TSPAN9: variants seen among roughly 807,000 people sequenced by gnomAD.
TSPAN9 encodes the protein tetraspanin-9.
Under a neutral mutation model 31.0 loss-of-function variants are expected in TSPAN9, and 16 were observed. The ratio of observed to expected loss-of-function variants is 0.52; its 90% CI spans 0.35 to 0.78. The LOEUF (loss-of-function observed/expected upper bound fraction) is 0.78, where lower values mean the gene tolerates loss of function less well. TSPAN9 is among the 30% of genes least tolerant of loss of function. The pLI is 0.01. For synonymous variants in TSPAN9, 145 were observed against 121.6 expected (o/e 1.19, Z -1.27); for missense variants, 272 against 312.5 (o/e 0.87, Z 0.98).
intron 3 of TSPAN9, among the ~76,000 whole-genome samples, chr12:3,209,336 G>T (rs1264409720): frequency 6.6e-6 from 1 of 152,168 alleles, no homozygotes; most frequent in East Asian, 1.9e-4. Flanking sequence ...ATGGCTCTTG[G>T]TATTTCATTA....
intron 2 of TSPAN9, among the ~76,000 whole-genome samples, chr12:3,166,646 C>A (rs1240115943): frequency 6.6e-6 from 1 of 152,180 alleles, no homozygotes; most frequent in Admixed American, 6.5e-5. Flanking sequence ...GAGAAGTGAA[C>A]ACATCTGTGG....
At chr12:3,218,914 C>G (rs1190502631) in intron 3 of TSPAN9, among the ~76,000 whole-genome samples, 5 of 152,156 alleles carry the variant, frequency 3.3e-5, no homozygotes, top group Non-Finnish European at 2.9e-5. Context: ...TGGAGCCCCC[C>G]AAAGAGAGGT....
chr12:3,140,843 T>G, intron 2 of TSPAN9, among the ~76,000 whole-genome samples: 1 of 149,630 alleles, frequency 6.7e-6, no homozygotes, highest in Non-Finnish European at 1.5e-5. Context: ...CCAGGGGAGG[T>G]TTGGAGGTGA....
chr12:3,230,735 A>G (rs1372289970), intron 3 of TSPAN9, among the ~76,000 whole-genome samples: 1 of 152,040 alleles, frequency 6.6e-6, no homozygotes, highest in Non-Finnish European at 1.5e-5. Flanking sequence ...GCCCTCAGTT[A>G]TCTCCTTCCA....
At chr12:3,244,269 G>A (rs754213621) in intron 3 of TSPAN9, among the ~76,000 whole-genome samples, 67 of 152,284 alleles carry the variant, frequency 4.4e-4, no homozygotes, top group East Asian at 1.2e-3. Flanking sequence ...GTAGGTAAGC[G>A]GGTCTTGGCT....
intron 2 of TSPAN9, among the ~76,000 whole-genome samples, chr12:3,181,143 G>A (rs1345331897): frequency 5.9e-5 from 9 of 152,144 alleles, no homozygotes; most frequent in Non-Finnish European, 1.2e-4. Flanking sequence ...GCTGGCGCCC[G>A]GGAGAGGAAT....
At chr12:3,171,728 A>G (rs1420534341) in intron 2 of TSPAN9, 1 of 152,220 alleles carries the variant, frequency 6.6e-6, no homozygotes, top group Non-Finnish European at 1.5e-5. Flanking sequence ...TCCCAGAAAT[A>G]TTCTGGGCCT....
At chr12:3,231,363 GC>G (rs1565624466) in intron 3 of TSPAN9, among the ~76,000 whole-genome samples, 1 of 152,162 alleles carries the variant, frequency 6.6e-6, no homozygotes. Flanking sequence ...TTCTGGTCCT[GC>G]TGTCACCACT....
At chr12:3,249,099 CAG>C (rs1241358868) in intron 3 of TSPAN9, among the ~76,000 whole-genome samples, 1 of 152,356 alleles carries the variant, frequency 6.6e-6, no homozygotes, top group African/African-American at 2.4e-5. Context: ...ACAGGCCTGC[CAG>C]AGTCTGCTTC....
At chr12:3,103,338 C>G (rs1319058523) in intron 2 of TSPAN9, among the ~76,000 whole-genome samples, 1 of 152,196 alleles carries the variant, frequency 6.6e-6, no homozygotes, top group African/African-American at 2.4e-5. Context: ...TAATATTTTA[C>G]TGAGGATTCT....
At chr12:3,263,717 C>T (rs190709154) in intron 3 of TSPAN9, among the ~76,000 whole-genome samples, 316 of 124,150 alleles carry the variant, frequency 2.5e-3, no homozygotes, top group Non-Finnish European at 3.1e-3. Context: ...GACAGGCACC[C>T]GGCAAAGTCA....
rs111968251 is a variant in TSPAN9, at chr12:3,086,670, C to G, written c.-18+2951C>G. Among the ~76,000 whole-genome samples the G allele has an allele frequency of 3.5e-3, 537 of 152,274 alleles. 4 individuals are homozygous for G. Among genetic ancestry groups the G allele is most frequent in the African/African-American group, 0.012 (487 of 41,564 alleles). On this transcript the variant is annotated intron_variant, in intron 2 of 8. Coordinates refer to ENST00000011898, the MANE Select transcript of TSPAN9 (RefSeq NM_006675.5). Reference sequence around the variant, plus strand: ...CAGGAAGGCTGGAGGGTCTTGTGGCCTTTGGGGTACAGGATCTTGGTGAGG... The same window carrying G: ...CAGGAAGGCTGGAGGGTCTTGTGGCGTTTGGGGTACAGGATCTTGGTGAGG...
chr12:3,181,574 G>GGA (rs1334873982), intron 2 of TSPAN9, among the ~76,000 whole-genome samples: 1 of 152,140 alleles, frequency 6.6e-6, no homozygotes, highest in Non-Finnish European at 1.5e-5. Context: ...GCAGAGGGGA[G>GGA]GAGATTGGAC....
intron 2 of TSPAN9, among the ~76,000 whole-genome samples, chr12:3,115,303 A>C (rs1192414738): frequency 6.6e-6 from 1 of 152,234 alleles, no homozygotes; most frequent in Admixed American, 6.5e-5. Flanking sequence ...CGGACAGACC[A>C]CATTTTGTTT....
intron 2 of TSPAN9, among the ~76,000 whole-genome samples, chr12:3,122,433 C>T (rs1011321841): frequency 1.3e-5 from 2 of 152,016 alleles, no homozygotes; most frequent in African/African-American, 4.8e-5. Flanking sequence ...CAGGCACACA[C>T]CACCATGCTT....
At chr12:3,102,324 T>TG (rs1215236395) in intron 2 of TSPAN9, among the ~76,000 whole-genome samples, 1 of 151,886 alleles carries the variant, frequency 6.6e-6, no homozygotes, top group Non-Finnish European at 1.5e-5. Flanking sequence ...GGCGGAGTCT[T>TG]GCTATTTTGC....
intron 1 of TSPAN9, among the ~76,000 whole-genome samples, chr12:3,082,131 C>G (rs373342479): frequency 2.0e-5 from 3 of 152,126 alleles, no homozygotes; most frequent in Non-Finnish European, 2.9e-5. Flanking sequence ...AAGGACAAGG[C>G]GAATGGCTTC....
chr12:3,118,255 C>CCTTTTTTTTTTTT (rs2098323349), intron 2 of TSPAN9, among the ~76,000 whole-genome samples: 1 of 20,116 alleles, frequency 5.0e-5, no homozygotes. Flanking sequence ...CTGCACCCGC[C>CCTTTTTTTTTTTT]GTTTTTTTTT....
rs770381611 is a variant in TSPAN9 at position 3,154,008 on chromosome 12, ATATGTGTG to A, written c.-17-47167_-17-47160del. The stretch of plus-strand genomic sequence containing the variant: ...ACATTAATATATTAGTATTATATAT[ATATGTGTG>A]TGTGTGTGTGTGTGTGTGTGTGTGT... On this transcript the variant is annotated intron_variant, in intron 2 of 8. Transcript: ENST00000011898. 2.7e-4 allele frequency among the ~76,000 whole-genome samples: 15 copies of A among 56,280 alleles called. No homozygotes were observed. The South Asian group carries it at 5.0e-3, about 19-fold the overall frequency. 36.9% of individuals were successfully genotyped at this position (56,280 alleles called of 152,430 possible).
Sources: gnomAD v4.1 joint callset for allele counts (sites outside exome capture counted in the v4.1 genomes callset) on GRCh38, gnomAD v4.1.1 for gene constraint, MANE v1.5 for transcripts, NCBI Gene and HGNC (gene_info 2026-07-23, HGNC 2026-07-21) for gene names.